Variants in LSM7 observed in about 807,000 individuals in gnomAD.
The protein encoded by LSM7 is LSM7 homolog, U6 small nuclear RNA and mRNA degradation associated.
In LSM7, 13 loss-of-function variants were observed where a neutral mutation model predicts 14.1. The observed-to-expected ratio is 0.92, with a 90% CI of 0.60 to 1.47. LSM7 has a LOEUF of 1.47. LSM7 is among the 40% of genes most tolerant of loss of function. The probability of loss-of-function intolerance (pLI) is 0.00; values close to 1 mark genes in which losing one functional copy is unlikely to be tolerated. For missense variants in LSM7, 108 were observed against 140.8 expected (o/e 0.77, Z 1.18); for synonymous variants, 70 against 57.1 (o/e 1.23, Z -1.02).
chr19:2,327,571 T>C (rs1968056969), intron 2 of LSM7, among the ~76,000 whole-genome samples: 1 of 151,236 alleles, frequency 6.6e-6, no homozygotes, highest in Non-Finnish European at 1.5e-5. Context: ...TGGGCCTTGC[T>C]CTGTGGCCCA....
Position 2,321,689 on chromosome 19 carries a change from C to T in LSM7, c.303G>A (p.Gln101=). 6.5e-7 allele frequency: 1 copy of T among 1,546,002 alleles called. No homozygotes were observed. Among genetic ancestry groups the T allele is most frequent in the Non-Finnish European group, 8.7e-7 (1 of 1,147,420 alleles). ...EAIPNPFIQQ[Q]DA ...CGCGCCCCCGGCCAGGCTAGGCGTC[C>T]TGCTGCTGGATGAAGGGGTTGGGGA... Residue 101 remains glutamine (Q), a synonymous_variant, in exon 4 of 4, where the codon CAG becomes CAA. Coordinates refer to ENST00000252622, the MANE Select transcript of LSM7 (RefSeq NM_016199.3). This position sits in a 1 kb window ranked among gnomAD's most constrained non-coding sequence, Gnocchi z 5.0.
rs1449357033 is a variant in LSM7 at position 2,322,367 on chromosome 19, G to A, written c.170-545C>T. Among the ~76,000 whole-genome samples, 11 of 151,932 alleles carry A rather than the reference G, an allele frequency of 7.2e-5. No individual in the cohort carries two copies. In the South Asian group the frequency reaches 1.2e-3, roughly 17 times the overall value. On this transcript the variant is annotated intron_variant, in intron 3 of 3. Transcript: ENST00000252622. ...ATCCTGGCTAACTTGGTGAAACCCC[G>A]TCTCTACTAAAAAATACAAAAAAAT... is the stretch of plus-strand genomic sequence containing the variant.
chr19:2,324,490 G>A, intron 2 of LSM7: 1 of 470,338 alleles, frequency 2.1e-6, no homozygotes, highest in East Asian at 3.5e-5. Context: ...CTTCGGTAAT[G>A]AGTCCATGTG....
In LSM7 at chr19:2,321,908, C is replaced by T; in HGVS notation, c.170-86G>A. ...CCACCCAAGACCCTCGCTCCGACCT[C>T]CCCACCTGCACCCTGCAGGCGCCAC... is the stretch of plus-strand genomic sequence containing the variant. On this transcript the variant is annotated intron_variant, in intron 3 of 3. Coordinates refer to ENST00000252622, the MANE Select transcript of LSM7 (RefSeq NM_016199.3). This position sits in a 1 kb window ranked among gnomAD's most constrained non-coding sequence, Gnocchi z 5.0. 8.0e-7 allele frequency: 1 copy of T among 1,244,010 alleles called. No homozygotes were observed. Among genetic ancestry groups the T allele is most frequent in the African/African-American group, 1.6e-5 (1 of 63,186 alleles). 77.1% of individuals were successfully genotyped at this position (1,244,010 alleles called of 1,614,324 possible).
intron 2 of LSM7, 152 bp from the exon 3 acceptor site, chr19:2,324,348 C>G (rs1967982746): frequency 1.6e-6 from 1 of 640,478 alleles, no homozygotes; most frequent in African/African-American, 1.8e-5. Context: ...CCGATGACAG[C>G]CGCCTCCAGA....
At chr19:2,322,362 AC>A (rs1388366551) in intron 3 of LSM7, among the ~76,000 whole-genome samples, 3 of 151,812 alleles carry the variant, frequency 2.0e-5, no homozygotes, top group Non-Finnish European at 4.4e-5. Context: ...ACTTGGTGAA[AC>A]CCCGTCTCTA....
At chr19:2,324,102 G>A (rs780471468) in intron 3 of LSM7, 23 bp downstream of exon 3, 10 of 1,520,640 alleles carry the variant, frequency 6.6e-6, no homozygotes, top group Non-Finnish European at 8.8e-6. Flanking sequence ...CCCGCTGCCT[G>A]CCTCGGCCGC....
intron 2 of LSM7, chr19:2,328,118 CA>C (rs979892720): frequency 1.6e-5 from 6 of 379,726 alleles, no homozygotes; most frequent in Admixed American, 4.4e-5. Context: ...ACTAAAAATA[CA>C]AATATTAGCC....
In LSM7 at chr19:2,321,628, G is replaced by T; in HGVS notation, c.*52C>A. The T allele has an allele frequency of 1.5e-6, 2 of 1,355,224 alleles. No individual in the cohort carries two copies. The highest frequency in any genetic ancestry group is 3.0e-5 in the East Asian group (1 of 33,238). The allele number at this position is 1,355,224 out of a possible 1,614,324, so 83.9% of individuals were successfully genotyped here. A position where few individuals can be genotyped will look rare whatever the true frequency, so the allele number is the denominator to read the frequency against. On this transcript the variant is annotated 3_prime_UTR_variant, in exon 4 of 4. Transcript: ENST00000252622. This position sits in a 1 kb window ranked among gnomAD's most constrained non-coding sequence, Gnocchi z 5.0. ...CGGTGGGAGCAGCAGCCAAGTCCGC[G>T]GGAAACCGAGCTGCTCGGGCCTGCC...
intron 2 of LSM7, 159 bp from the exon 3 acceptor site, chr19:2,324,355 CAG>C: frequency 1.6e-6 from 1 of 628,168 alleles, no homozygotes; most frequent in Non-Finnish European, 2.9e-6. Flanking sequence ...CAGCCGCCTC[CAG>C]AGTGATCTCC....
In LSM7 at chr19:2,324,214, G is replaced by A. The variant is rs1967981249; in HGVS notation, c.98-18C>T. On this transcript the variant is annotated intron_variant, in intron 2 of 3. Coordinates refer to ENST00000252622, the MANE Select transcript of LSM7 (RefSeq NM_016199.3). ...TCCACTGGCTTGGAGAAATCACCGG[G>A]GGAGAGAAAAGAGAAGGCATGAGAT... is the stretch of plus-strand genomic sequence containing the variant. 6.4e-7 allele frequency: 1 copy of A among 1,562,792 alleles called. No individual in the cohort carries two copies. Among genetic ancestry groups the A allele is most frequent in the Non-Finnish European group, 8.7e-7 (1 of 1,152,536 alleles).
At chr19:2,323,466 T>C (rs1045776146) in intron 3 of LSM7, among the ~76,000 whole-genome samples, 12 of 152,128 alleles carry the variant, frequency 7.9e-5, no homozygotes, top group African/African-American at 2.9e-4. Flanking sequence ...ATCTCTTTTT[T>C]TTGAGACGGA....
rs1265927293 is a variant in LSM7 at position 2,321,902 on chromosome 19, C to T, written c.170-80G>A. On this transcript the variant is annotated intron_variant, in intron 3 of 3. Transcript: ENST00000252622. This position sits in a 1 kb window ranked among gnomAD's most constrained non-coding sequence, Gnocchi z 5.0. ...CCCCACCCACCCAAGACCCTCGCTC[C>T]GACCTCCCCACCTGCACCCTGCAGG... 29 of 1,277,854 alleles carry T rather than the reference C, an allele frequency of 2.3e-5. No homozygotes were observed. The highest frequency in any genetic ancestry group is 3.1e-5 in the East Asian group (1 of 31,992). The allele number at this position is 1,277,854 out of a possible 1,614,324, so 79.2% of individuals were successfully genotyped here.
intron 2 of LSM7, chr19:2,324,848 A>G (rs8100786): frequency 0.71 from 108,198 of 153,350 alleles, 39,020 homozygotes; most frequent in Non-Finnish European, 0.79. Context: ...AAGACAGGGA[A>G]GGGATGCGTG....
At chr19:2,323,513 C>G (rs992665863) in intron 3 of LSM7, among the ~76,000 whole-genome samples, 1 of 152,150 alleles carries the variant, frequency 6.6e-6, no homozygotes, top group Non-Finnish European at 1.5e-5. Context: ...TGCAGTTGCA[C>G]CATCTCGGCT....
At chr19:2,322,753 G>A (rs1967953206) in intron 3 of LSM7, among the ~76,000 whole-genome samples, 1 of 152,172 alleles carries the variant, frequency 6.6e-6, no homozygotes, top group Admixed American at 6.5e-5. Context: ...TTGCTCTGTT[G>A]CTCAGGTTGG....
chr19:2,322,667 CTG>C (rs1326192054), intron 3 of LSM7, among the ~76,000 whole-genome samples: 5 of 152,192 alleles, frequency 3.3e-5, no homozygotes. Flanking sequence ...CTCCTCACTA[CTG>C]TGGTCCTGCA....
intron 2 of LSM7, among the ~76,000 whole-genome samples, chr19:2,326,931 C>G (rs1436311337): frequency 6.6e-6 from 1 of 152,232 alleles, no homozygotes; most frequent in Non-Finnish European, 1.5e-5. Flanking sequence ...CAACACTGGC[C>G]AGAACGGGGA....
Position 2,321,676 on chromosome 19 carries a change from C to G in LSM7, c.*4G>C. ...GCCCTGCACCCCCCGCGCCCCCGGC[C>G]AGGCTAGGCGTCCTGCTGCTGGATG... On this transcript the variant is annotated 3_prime_UTR_variant, in exon 4 of 4. Coordinates refer to ENST00000252622, the MANE Select transcript of LSM7 (RefSeq NM_016199.3). The surrounding 1 kb of genome is among the most constrained non-coding windows in gnomAD (Gnocchi z 5.0). The G allele has an allele frequency of 6.6e-7, 1 of 1,511,972 alleles. No individual in the cohort carries two copies. The highest frequency in any genetic ancestry group is 8.9e-7 in the Non-Finnish European group (1 of 1,129,714). 93.7% of individuals were successfully genotyped at this position (1,511,972 alleles called of 1,614,324 possible).
Sources: allele counts gnomAD v4.1 joint callset (sites outside exome capture counted in the v4.1 genomes callset), GRCh38; gene constraint gnomAD v4.1.1; non-coding constraint Gnocchi (gnomAD v3.1); transcripts MANE v1.5; gene names NCBI Gene and HGNC (gene_info 2026-07-23, HGNC 2026-07-21).